Variants in HECW1 observed in about 807,000 individuals in gnomAD.
The protein encoded by HECW1 is E3 ubiquitin-protein ligase HECW1.
HECW1 carries 61 observed loss-of-function variants against 182.3 expected under a neutral mutation model. The ratio of observed to expected loss-of-function variants is 0.33; its 90% CI spans 0.27 to 0.41. The LOEUF (loss-of-function observed/expected upper bound fraction) is 0.41. HECW1 is among the 10% of genes least tolerant of loss of function. The pLI, the probability that HECW1 is intolerant of heterozygous loss-of-function variation, is 1.00. For synonymous variants in HECW1, 859 were observed against 832.6 expected (o/e 1.03, Z -0.55); for missense variants, 1,739 against 2,108.9 (o/e 0.82, Z 3.44).
chr7:43,142,936 G>A (rs1383509890), intron 2 of HECW1, among the ~76,000 whole-genome samples: 2 of 152,184 alleles, frequency 1.3e-5, no homozygotes, highest in African/African-American at 4.8e-5. Flanking sequence ...CAGAGTGGTG[G>A]GTGCTGTGGT....
intron 24 of HECW1, among the ~76,000 whole-genome samples, chr7:43,526,592 A>C (rs934776392): frequency 1.3e-5 from 2 of 152,168 alleles, no homozygotes; most frequent in Non-Finnish European, 2.9e-5. Flanking sequence ...TCAATAAGGC[A>C]CTCTGGGTTC....
intron 3 of HECW1, among the ~76,000 whole-genome samples, chr7:43,276,498 A>G (rs767464501): frequency 6.6e-6 from 1 of 152,246 alleles, no homozygotes; most frequent in Non-Finnish European, 1.5e-5. Context: ...GCAGGTAGAA[A>G]TTCACATTAC....
intron 5 of HECW1, among the ~76,000 whole-genome samples, chr7:43,331,730 G>T (rs935101070): frequency 2.6e-5 from 4 of 152,168 alleles, no homozygotes; most frequent in African/African-American, 9.7e-5. Flanking sequence ...TGAGGTGGAC[G>T]CCATCACTGT....
chr7:43,225,673 C>T (rs1797360884), intron 2 of HECW1, among the ~76,000 whole-genome samples: 1 of 152,060 alleles, frequency 6.6e-6, no homozygotes, highest in Non-Finnish European at 1.5e-5. Context: ...GATTATGAAA[C>T]TATTCATGCT....
At chr7:43,179,059 C>A (rs28404008) in intron 2 of HECW1, among the ~76,000 whole-genome samples, 2,039 of 152,320 alleles carry the variant, frequency 0.013, 22 homozygotes, top group Non-Finnish European at 0.023. Context: ...ACAAGTAACA[C>A]CGAGGAAAAA....
chr7:43,442,461 A>G, intron 9 of HECW1, 68 bp from the exon 10 acceptor site: 1 of 1,143,232 alleles, frequency 8.7e-7, no homozygotes, highest in South Asian at 1.3e-5. Context: ...TGGTATAGAA[A>G]GCACACTGCA....
intron 24 of HECW1, among the ~76,000 whole-genome samples, chr7:43,516,842 G>A (rs1313248847): frequency 6.6e-6 from 1 of 152,088 alleles, no homozygotes; most frequent in African/African-American, 2.4e-5. Flanking sequence ...CAACAAACCT[G>A]CACAACATGT....
intron 2 of HECW1, among the ~76,000 whole-genome samples, chr7:43,169,299 G>A (rs1260102886): frequency 1.3e-5 from 2 of 152,158 alleles, no homozygotes; most frequent in African/African-American, 2.4e-5. Context: ...TGTTTCCCAG[G>A]GGCTGGACAC....
At chr7:43,226,103 A>G (rs1301816516) in intron 2 of HECW1, among the ~76,000 whole-genome samples, 1 of 152,140 alleles carries the variant, frequency 6.6e-6, no homozygotes, top group Non-Finnish European at 1.5e-5. Context: ...TTTGCATCTT[A>G]TTATTTTTAG....
intron 2 of HECW1, among the ~76,000 whole-genome samples, chr7:43,122,578 C>T (rs2152606656): frequency 6.6e-6 from 1 of 152,282 alleles, no homozygotes; most frequent in African/African-American, 2.4e-5. Flanking sequence ...CAAGCACTAT[C>T]CATCCTGTTG....
intron 6 of HECW1, among the ~76,000 whole-genome samples, chr7:43,395,338 A>G (rs2075191365): frequency 6.6e-6 from 1 of 152,216 alleles, no homozygotes; most frequent in Non-Finnish European, 1.5e-5. Flanking sequence ...ATGAACAAGG[A>G]CAGCTTGGAG....
intron 16 of HECW1, among the ~76,000 whole-genome samples, chr7:43,471,345 A>G (rs1188521607): frequency 6.6e-6 from 1 of 152,236 alleles, no homozygotes; most frequent in African/African-American, 2.4e-5. Flanking sequence ...ATAGCTCACT[A>G]TGCAAAAGCC....
At chr7:43,550,309 A>G in intron 26 of HECW1, 136 bp from the exon 27 acceptor site, 1 of 924,894 alleles carries the variant, frequency 1.1e-6, no homozygotes, top group Non-Finnish European at 1.6e-6. Context: ...CAAGGAAAAA[A>G]GACTCCAGGG....
At chr7:43,488,490 G>A (rs999745317) in intron 17 of HECW1, among the ~76,000 whole-genome samples, 48 of 120,702 alleles carry the variant, frequency 4.0e-4, no homozygotes, top group African/African-American at 9.4e-4. Flanking sequence ...GAAAGAAAGA[G>A]AAAGAAAGAA....
chr7:43,140,362 G>A (rs1583658037), intron 2 of HECW1, among the ~76,000 whole-genome samples: 1 of 152,192 alleles, frequency 6.6e-6, no homozygotes, highest in Non-Finnish European at 1.5e-5. Flanking sequence ...ACTGATGAGC[G>A]ACTGTGCCCC....
chr7:43,141,281 C>T (rs1407982224), intron 2 of HECW1, among the ~76,000 whole-genome samples: 1 of 152,136 alleles, frequency 6.6e-6, no homozygotes, highest in Non-Finnish European at 1.5e-5. Context: ...GGTGCCCACC[C>T]CCACGGCCCT....
intron 16 of HECW1, among the ~76,000 whole-genome samples, chr7:43,474,311 T>C (rs1490630487): frequency 1.3e-5 from 2 of 152,018 alleles, no homozygotes; most frequent in African/African-American, 4.8e-5. Context: ...TAGCTGGGCA[T>C]GGTGGCGGGT....
chr7:43,295,242 G>A (rs936004373), intron 3 of HECW1, among the ~76,000 whole-genome samples: 2 of 152,168 alleles, frequency 1.3e-5, no homozygotes, highest in African/African-American at 4.8e-5. Flanking sequence ...GTGAGAGAGG[G>A]AGGGAGGTGT....
chr7:43,407,842 C>T, intron 8 of HECW1, 111 bp downstream of exon 8: 1 of 952,168 alleles, frequency 1.1e-6, no homozygotes, highest in Non-Finnish European at 1.6e-6. Context: ...GCTGCTCAAT[C>T]TATGGCTGTC....
Sources: allele counts gnomAD v4.1 joint callset (sites outside exome capture counted in the v4.1 genomes callset), GRCh38; gene constraint gnomAD v4.1.1; transcripts MANE v1.5; gene names NCBI Gene and HGNC (gene_info 2026-07-23, HGNC 2026-07-21).